Variants in PALMD observed in about 807,000 individuals in gnomAD.
PALMD encodes palmdelphin.
PALMD carries 42 observed loss-of-function variants against 56.2 expected under a neutral mutation model. The ratio of observed to expected loss-of-function variants is 0.75; its 90% CI spans 0.58 to 0.97. The LOEUF is 0.97. Among genes scored for constraint, PALMD ranks in the 50% least tolerant of loss-of-function variants. PALMD has a pLI of 0.00. For missense variants in PALMD, 660 were observed against 643.8 expected (o/e 1.03, Z -0.27); for synonymous variants, 242 against 222.9 (o/e 1.09, Z -0.76).
At chr1:99,684,026 T>C (rs903365934) in intron 3 of PALMD, 1 of 152,254 alleles carries the variant, frequency 6.6e-6, no homozygotes, top group Non-Finnish European at 1.5e-5. Flanking sequence ...ATATTCTTTA[T>C]CTTGCTGTTT....
intron 2 of PALMD, among the ~76,000 whole-genome samples, chr1:99,664,510 A>T (rs1010756436): frequency 6.6e-6 from 1 of 152,186 alleles, no homozygotes; most frequent in African/African-American, 2.4e-5. Context: ...TCATAATAAC[A>T]GTTATTCTGT....
chr1:99,688,772 C>T lies in PALMD; in HGVS notation c.515-3C>T. 6.4e-7 allele frequency: 1 copy of T among 1,560,650 alleles called. No homozygotes were observed. The highest frequency in any genetic ancestry group is 1.2e-5 in the South Asian group (1 of 81,968). On this transcript the variant is annotated splice_polypyrimidine_tract_variant and splice_region_variant and intron_variant, in intron 6 of 7. Coordinates refer to ENST00000263174, the MANE Select transcript of PALMD (RefSeq NM_017734.5). ...ATCAAAGATCAAATTTGTTTCTTAA[C>T]AGCTTTATATGCCATGGAAATTAAA...
Position 99,667,695 on chromosome 1 carries a change from A to G in PALMD, c.180A>G (p.Glu60=). The change falls in exon 3 of 8, where the codon GAA becomes GAG. Residue 60 remains glutamate, a synonymous_variant. Coordinates refer to ENST00000263174, the MANE Select transcript of PALMD (RefSeq NM_017734.5). ...WLLDGISSGK[E]QEEMKKQNQQ... Reference sequence around the variant, plus strand: ...TAGATGGAATCAGCAGCGGAAAAGAACAGGAAGAGATGAAGAAGCAAAATC... The same window carrying G: ...TAGATGGAATCAGCAGCGGAAAAGAGCAGGAAGAGATGAAGAAGCAAAATC... The G allele has an allele frequency of 1.2e-6, 2 of 1,613,482 alleles. No homozygotes were observed. The highest frequency in any genetic ancestry group is 1.7e-6 in the Non-Finnish European group (2 of 1,179,488).
At chr1:99,648,150 G>C (rs539591068) in intron 1 of PALMD, among the ~76,000 whole-genome samples, 1 of 152,212 alleles carries the variant, frequency 6.6e-6, no homozygotes, top group African/African-American at 2.4e-5. Context: ...AGATCACAAA[G>C]TAATTCTAGC....
intron 1 of PALMD, among the ~76,000 whole-genome samples, chr1:99,652,410 C>T (rs962317077): frequency 2.0e-5 from 3 of 152,030 alleles, no homozygotes. Flanking sequence ...TCAAAACCAG[C>T]CTGGCCAACA....
rs1443627890 is a variant in PALMD at position 99,687,195 on chromosome 1, T to C, written c.514+6T>C. 1 of 1,592,734 alleles carries C rather than the reference T, an allele frequency of 6.3e-7. No homozygotes were observed. Among genetic ancestry groups the C allele is most frequent in the South Asian group, 1.1e-5 (1 of 88,106 alleles). On this transcript the variant is annotated splice_donor_region_variant and intron_variant, in intron 6 of 7. Transcript: ENST00000263174. Reference sequence around the variant, plus strand: ...TGATGAACAAAATAGGAAAGGTATATGAGAAATCTGTGTTGAAGGGCATGT... The same window carrying C: ...TGATGAACAAAATAGGAAAGGTATACGAGAAATCTGTGTTGAAGGGCATGT...
At position 99,662,357 on chromosome 1, in the gene PALMD, T is replaced by C. The variant is rs1047153554; in HGVS notation, c.84T>C (p.Arg28=). The change falls in exon 2 of 8, where the codon CGT becomes CGC. Residue 28 remains arginine (R), a synonymous_variant. Transcript: ENST00000263174. ...TACAGGAAGAAATCTCACAGAAGCG[T>C]CTGAAAATAGAGGAAGACAAACTAA... ...RKIQEEISQK[R]LKIEEDKLKH... is the part of the protein sequence containing the mutation. The C allele has an allele frequency of 2.5e-6, 4 of 1,575,594 alleles. No homozygotes were observed. Among genetic ancestry groups the C allele is most frequent in the African/African-American group, 2.7e-5 (2 of 73,622 alleles).
intron 3 of PALMD, chr1:99,684,681 A>ATTT (rs1399931746): frequency 1.3e-5 from 2 of 151,858 alleles, no homozygotes; most frequent in Admixed American, 6.6e-5. Context: ...TGCTCAGCTA[A>ATTT]TTTTTTTTAA....
At chr1:99,672,379 G>A (rs186664324) in intron 3 of PALMD, among the ~76,000 whole-genome samples, 2 of 152,198 alleles carry the variant, frequency 1.3e-5, no homozygotes, top group Admixed American at 6.5e-5. Flanking sequence ...AGAGCCCTGC[G>A]CTTACTGCGA....
rs1194682982 is a variant in PALMD at position 99,665,149 on chromosome 1, T to C, written c.127-2493T>C. 3.3e-5 allele frequency among the ~76,000 whole-genome samples: 5 copies of C among 152,254 alleles called. No individual in the cohort carries two copies. The East Asian group carries it at 9.6e-4, about 29-fold the overall frequency. ...ATTTCCATGAGTCCGTTCAATTCAA[T>C]CTACAAAAAACCAATTTATTCCTAC... On this transcript the variant is annotated intron_variant, in intron 2 of 7. Coordinates refer to ENST00000263174, the MANE Select transcript of PALMD (RefSeq NM_017734.5).
chr1:99,677,699 G>A (rs1557672262), intron 3 of PALMD, among the ~76,000 whole-genome samples: 1 of 152,116 alleles, frequency 6.6e-6, no homozygotes, highest in East Asian at 1.9e-4. Context: ...CAAGGACACT[G>A]GGAAATGTAG....
Position 99,689,338 on chromosome 1 carries a change from A to C in PALMD, c.1078A>C (p.Lys360Gln). ...PWEESNVMQD[K>Q]DAPSPKPRLS... is the part of the protein sequence containing the mutation. ...GGAAGAATCGAATGTCATGCAGGAC[A>C]AAGATGCACCCTCTCCAAAGCCAAG... is the stretch of plus-strand genomic sequence containing the variant. Residue 360 changes from lysine (K) to glutamine (Q), a missense_variant, in exon 7 of 8, where the codon AAA (lysine) becomes CAA (glutamine). Physicochemically the swap from Lys to Gln is moderately conservative, Grantham distance 53. Coordinates refer to ENST00000263174, the MANE Select transcript of PALMD (RefSeq NM_017734.5). 1 of 1,613,734 alleles carries C rather than the reference A, an allele frequency of 6.2e-7. No individual in the cohort carries two copies. The highest frequency in any genetic ancestry group is 8.5e-7 in the Non-Finnish European group (1 of 1,179,872).
rs568306897 is a variant in PALMD at position 99,666,350 on chromosome 1, A to T, written c.127-1292A>T. Among the ~76,000 whole-genome samples, 6 of 152,184 alleles carry T rather than the reference A, an allele frequency of 3.9e-5. No homozygotes were observed. In the South Asian group the frequency reaches 1.2e-3, roughly 32 times the overall value. ...AAACTTAATTTTAAATGTTTTCTTA[A>T]TTCAGAGATACTTGTATCTCAGTGG... On this transcript the variant is annotated intron_variant, in intron 2 of 7. Transcript: ENST00000263174.
At chr1:99,682,588 C>T (rs770857603) in intron 3 of PALMD, among the ~76,000 whole-genome samples, 6 of 152,052 alleles carry the variant, frequency 3.9e-5, no homozygotes, top group Non-Finnish European at 7.4e-5. Flanking sequence ...ACATTACCCA[C>T]GGCTTTATCT....
intron 1 of PALMD, among the ~76,000 whole-genome samples, chr1:99,658,615 CA>C (rs1363693217): frequency 6.6e-6 from 1 of 151,676 alleles, no homozygotes; most frequent in Non-Finnish European, 1.5e-5. Flanking sequence ...ACTAAAAATA[CA>C]AAAAATTAAC....
intron 3 of PALMD, among the ~76,000 whole-genome samples, chr1:99,679,529 C>G (rs539518402): frequency 1.3e-5 from 2 of 152,256 alleles, no homozygotes; most frequent in Admixed American, 1.3e-4. Flanking sequence ...ATCCCCAGTA[C>G]AGAAAAATAA....
chr1:99,664,643 G>A (rs1016627464), intron 2 of PALMD, among the ~76,000 whole-genome samples: 1 of 152,106 alleles, frequency 6.6e-6, no homozygotes, highest in East Asian at 1.9e-4. Flanking sequence ...CAGCAACAAG[G>A]CATAATTCCA....
intron 3 of PALMD, among the ~76,000 whole-genome samples, chr1:99,671,757 C>T (rs1653094003): frequency 6.6e-6 from 1 of 152,058 alleles, no homozygotes; most frequent in African/African-American, 2.4e-5. Flanking sequence ...TTGTGCTAAA[C>T]ATTTCATGTA....
intron 3 of PALMD, chr1:99,683,553 T>C (rs1434690618): frequency 6.6e-6 from 1 of 152,216 alleles, no homozygotes; most frequent in Non-Finnish European, 1.5e-5. Flanking sequence ...TTCTGACAGC[T>C]CTTTCTGTCA....
Sources: gnomAD v4.1 joint callset for allele counts (sites outside exome capture counted in the v4.1 genomes callset) on GRCh38, gnomAD v4.1.1 for gene constraint, MANE v1.5 for transcripts, NCBI Gene and HGNC (gene_info 2026-07-23, HGNC 2026-07-21) for gene names.